Variants in TMEM117 observed in about 807,000 individuals in gnomAD.
TMEM117 encodes the protein transmembrane protein 117.
In TMEM117, 27 loss-of-function variants were observed where a neutral mutation model predicts 52.4. That is an observed-to-expected ratio of 0.51 (90% CI 0.38 to 0.71). TMEM117 has a LOEUF of 0.71. TMEM117 is among the 30% of genes least tolerant of loss of function. TMEM117 has a pLI of 0.00. For synonymous variants in TMEM117, 215 were observed against 206.3 expected (o/e 1.04, Z -0.36); for missense variants, 556 against 630.5 (o/e 0.88, Z 1.26).
rs114346922 is a variant in TMEM117 at position 44,188,976 on chromosome 12, A to G, written c.511-22314A>G. ...TACATATTTTCAGGGTACACATGAT[A>G]ATTGGATACATTCATATAATGTGTA... On this transcript the variant is annotated intron_variant, in intron 4 of 7. Transcript: ENST00000266534. Among the ~76,000 whole-genome samples, 408 of 152,278 alleles carry G rather than the reference A, an allele frequency of 2.7e-3. 4 individuals are homozygous for G. The highest frequency in any genetic ancestry group is 9.2e-3 in the African/African-American group (381 of 41,564).
intron 3 of TMEM117, among the ~76,000 whole-genome samples, chr12:44,082,533 ATGAT>A (rs1237449302): frequency 1.1e-4 from 17 of 152,198 alleles, no homozygotes; most frequent in African/African-American, 3.6e-4. Flanking sequence ...ACACATTTAA[ATGAT>A]TGATCGATAA....
intron 3 of TMEM117, among the ~76,000 whole-genome samples, chr12:43,961,343 A>T (rs990671532): frequency 3.3e-5 from 5 of 152,226 alleles, no homozygotes; most frequent in Admixed American, 6.5e-5. Context: ...TTATTACGTT[A>T]TCATGCAATT....
chr12:44,283,464 A>G (rs1393957696), intron 5 of TMEM117, among the ~76,000 whole-genome samples: 1 of 152,212 alleles, frequency 6.6e-6, no homozygotes, highest in African/African-American at 2.4e-5. Flanking sequence ...TTGGAATCAA[A>G]GGAGATCATT....
intron 3 of TMEM117, among the ~76,000 whole-genome samples, chr12:44,038,510 C>T (rs903804822): frequency 9.9e-5 from 15 of 152,212 alleles, no homozygotes; most frequent in Non-Finnish European, 2.1e-4. Flanking sequence ...TGCTCACACA[C>T]CCCTCACCAC....
chr12:43,922,748 G>A (rs1298627745), intron 2 of TMEM117, among the ~76,000 whole-genome samples: 16 of 152,266 alleles, frequency 1.1e-4, no homozygotes, highest in Admixed American at 7.8e-4. Flanking sequence ...AGTGTCTGGG[G>A]TGGTTGTCTT....
At chr12:44,318,814 G>A (rs1181640829) in intron 6 of TMEM117, among the ~76,000 whole-genome samples, 2 of 151,944 alleles carry the variant, frequency 1.3e-5, no homozygotes, top group Admixed American at 1.3e-4. Context: ...CAGAGAGGGT[G>A]GGATGACTCA....
At chr12:44,312,882 G>A (rs556200295) in intron 6 of TMEM117, among the ~76,000 whole-genome samples, 4 of 152,230 alleles carry the variant, frequency 2.6e-5, no homozygotes, top group African/African-American at 9.6e-5. Context: ...TTTTTCATAA[G>A]CTTGTTAGCT....
At chr12:44,296,394 T>A (rs760489031) in intron 5 of TMEM117, among the ~76,000 whole-genome samples, 24 of 152,112 alleles carry the variant, frequency 1.6e-4, no homozygotes, top group Non-Finnish European at 7.4e-5. Context: ...CTCTCCAGGG[T>A]CACAGACAAA....
chr12:44,356,051 T>C (rs1189001868), intron 6 of TMEM117, among the ~76,000 whole-genome samples: 2 of 152,026 alleles, frequency 1.3e-5, no homozygotes, highest in African/African-American at 2.4e-5. Context: ...TGCCACATGG[T>C]AAAAGAGAGA....
intron 2 of TMEM117, among the ~76,000 whole-genome samples, chr12:43,890,202 A>G (rs560763907): frequency 7.8e-4 from 119 of 152,314 alleles, no homozygotes; most frequent in Admixed American, 1.5e-3. Context: ...ATTTATTTTT[A>G]GTGTTCTCTT....
chr12:44,097,136 A>G (rs1947779556), intron 3 of TMEM117, among the ~76,000 whole-genome samples: 1 of 152,224 alleles, frequency 6.6e-6, no homozygotes, highest in Non-Finnish European at 1.5e-5. Context: ...ACTGGCCATC[A>G]GAGAAATGCA....
chr12:43,870,776 C>A (rs538610675), intron 2 of TMEM117, among the ~76,000 whole-genome samples: 1 of 152,050 alleles, frequency 6.6e-6, no homozygotes, highest in East Asian at 1.9e-4. Flanking sequence ...ACCCCACCAG[C>A]ATCTGTTTGC....
chr12:43,892,518 A>G (rs181629226), intron 2 of TMEM117, among the ~76,000 whole-genome samples: 3 of 152,318 alleles, frequency 2.0e-5, no homozygotes, highest in Non-Finnish European at 4.4e-5. Context: ...ACCTTCCCCA[A>G]ATCCAAGTTC....
At chr12:43,894,792 T>C (rs1047244562) in intron 2 of TMEM117, among the ~76,000 whole-genome samples, 5 of 152,216 alleles carry the variant, frequency 3.3e-5, no homozygotes, top group African/African-American at 1.2e-4. Flanking sequence ...CCGTCTGTCA[T>C]TGATGGACAT....
At chr12:44,180,596 A>G (rs1284766651) in intron 4 of TMEM117, among the ~76,000 whole-genome samples, 1 of 146,920 alleles carries the variant, frequency 6.8e-6, no homozygotes, top group Non-Finnish European at 1.5e-5. Flanking sequence ...GAGTGAGAAT[A>G]TGCGGTGTCT....
chr12:43,842,815 G>A (rs1422307677), intron 1 of TMEM117, among the ~76,000 whole-genome samples: 1 of 152,012 alleles, frequency 6.6e-6, no homozygotes, highest in Non-Finnish European at 1.5e-5. Flanking sequence ...ATTGTGTCTG[G>A]AGAAGAACAT....
chr12:44,373,606 A>G (rs1431997018), intron 6 of TMEM117, among the ~76,000 whole-genome samples: 1 of 151,886 alleles, frequency 6.6e-6, no homozygotes, highest in Non-Finnish European at 1.5e-5. Context: ...GTAATGTGCT[A>G]ATGTTATCTC....
chr12:44,163,635 G>A (rs1254753662), intron 4 of TMEM117, among the ~76,000 whole-genome samples: 2 of 152,140 alleles, frequency 1.3e-5, no homozygotes, highest in Admixed American at 6.5e-5. Flanking sequence ...ATTTGGCCTT[G>A]TTTCACTACA....
intron 6 of TMEM117, among the ~76,000 whole-genome samples, chr12:44,305,647 T>G (rs1950894663): frequency 6.6e-6 from 1 of 152,020 alleles, no homozygotes; most frequent in Non-Finnish European, 1.5e-5. Context: ...TAAAAAAGAT[T>G]AAAAAGAATA....
Sources: allele counts gnomAD v4.1 joint callset (sites outside exome capture counted in the v4.1 genomes callset), GRCh38; gene constraint gnomAD v4.1.1; transcripts MANE v1.5; gene names NCBI Gene and HGNC (gene_info 2026-07-23, HGNC 2026-07-21).